Variants in COL5A1 observed in about 807,000 individuals in gnomAD.
The protein encoded by COL5A1 is collagen type V alpha 1 chain, also known as collagen alpha-1(V) chain.
In COL5A1, 16 loss-of-function variants were observed where a neutral mutation model predicts 263.7. That is an observed-to-expected ratio of 0.06 (90% CI 0.04 to 0.09). The LOEUF (loss-of-function observed/expected upper bound fraction) is 0.09. Ranked by LOEUF, COL5A1 falls within the 10% of genes least tolerant of loss-of-function variation. COL5A1 has a pLI of 1.00. For missense variants in COL5A1, 2,036 were observed against 2,540.5 expected (o/e 0.80, Z 4.27); for synonymous variants, 1,012 against 1,004.5 (o/e 1.01, Z -0.14).
chr9:134,824,388 C>T (rs1839164557), intron 61 of COL5A1, among the ~76,000 whole-genome samples: 1 of 152,230 alleles, frequency 6.6e-6, no homozygotes, highest in African/African-American at 2.4e-5. Context: ...TCCATGCTGG[C>T]AAGCACCTGG....
chr9:134,750,213 A>G lies in COL5A1; in HGVS notation c.1495-329A>G, dbSNP rs148612757. The stretch of plus-strand genomic sequence containing the variant: ...GCGTTCCTGGAGCGACAAGAGCCTG[A>G]CACTGCCTCCTCACCTTCGGGCTCC... On this transcript the variant is annotated intron_variant, in intron 11 of 65. Transcript: ENST00000371817. 1.2e-3 allele frequency among the ~76,000 whole-genome samples: 181 copies of G among 152,312 alleles called. 1 individual carries two copies. In the Middle Eastern group the frequency reaches 0.024, roughly 20 times the overall value.
intron 27 of COL5A1, among the ~76,000 whole-genome samples, chr9:134,775,939 C>T (rs1219906186): frequency 6.6e-6 from 1 of 152,204 alleles, no homozygotes; most frequent in Non-Finnish European, 1.5e-5. Context: ...AATCAACCCT[C>T]CTGACTCTGG....
At position 134,728,865 on chromosome 9, in the gene COL5A1, G is replaced by C. The variant is rs953388706; in HGVS notation, c.924+58G>C. The C allele has an allele frequency of 3.7e-6, 6 of 1,609,018 alleles. No homozygotes were observed. The Admixed American group carries it at 8.3e-5, about 22-fold the overall frequency. On this transcript the variant is annotated intron_variant, in intron 6 of 65. Coordinates refer to ENST00000371817, the MANE Select transcript of COL5A1 (RefSeq NM_000093.5). ...GGCCCCTCGAGGCCATGGTGCAGGG[G>C]AGGGCGAGGCCAGGAGAGGTTGTGT... is the stretch of plus-strand genomic sequence containing the variant.
intron 2 of COL5A1, among the ~76,000 whole-genome samples, chr9:134,698,232 T>TG (rs540221101): frequency 9.2e-5 from 14 of 152,348 alleles, no homozygotes; most frequent in Admixed American, 7.8e-4. Context: ...TCCCCAGCTT[T>TG]GGGGGCAGGT....
At position 134,666,561 on chromosome 9, in the gene COL5A1, G is replaced by A. The variant is rs1041312736; in HGVS notation, c.109+24265G>A. Among the ~76,000 whole-genome samples, 10 of 152,290 alleles carry A rather than the reference G, an allele frequency of 6.6e-5. No homozygotes were observed. In the East Asian group the frequency reaches 9.7e-4, roughly 15 times the overall value. On this transcript the variant is annotated intron_variant, in intron 1 of 65. Transcript: ENST00000371817. ...CAGGGACAGTCCCAGCCTGGCATGC[G>A]TCTTCCTCTTCTCTCTCCTGGATGA...
chr9:134,698,033 G>A (rs956357862), intron 2 of COL5A1, among the ~76,000 whole-genome samples: 6 of 150,990 alleles, frequency 4.0e-5, no homozygotes, highest in East Asian at 2.0e-4. Context: ...GCAGTGAGCC[G>A]AGATCTCACC....
chr9:134,730,676 G>A (rs1376461843), intron 7 of COL5A1, among the ~76,000 whole-genome samples: 1 of 152,254 alleles, frequency 6.6e-6, no homozygotes, highest in Non-Finnish European at 1.5e-5. Context: ...TGCTGAACAA[G>A]TTTGGAATCC....
chr9:134,802,633 T>C (rs1309094488), intron 38 of COL5A1, among the ~76,000 whole-genome samples: 5 of 152,198 alleles, frequency 3.3e-5, no homozygotes, highest in Admixed American at 3.3e-4. Flanking sequence ...GGCTTGGCCG[T>C]GCCTCCTGAA....
chr9:134,816,692 G>T (rs925459101), intron 52 of COL5A1, among the ~76,000 whole-genome samples: 2 of 152,200 alleles, frequency 1.3e-5, no homozygotes, highest in Non-Finnish European at 2.9e-5. Context: ...GACGATTCTT[G>T]TCCCCCCTTC....
intron 58 of COL5A1, 109 bp downstream of exon 58, chr9:134,820,332 A>C: frequency 1.2e-6 from 1 of 842,482 alleles, no homozygotes; most frequent in Non-Finnish European, 2.0e-6. Context: ...GGACGTCCAC[A>C]CGTCGGTTGA....
chr9:134,796,389 G>T lies in COL5A1; in HGVS notation c.2815G>T (p.Asp939Tyr), dbSNP rs757621941. 1 of 1,614,152 alleles carries T rather than the reference G, an allele frequency of 6.2e-7. No individual in the cohort carries two copies. Among genetic ancestry groups the T allele is most frequent in the Non-Finnish European group, 8.5e-7 (1 of 1,180,020 alleles). Residue 939 changes from aspartate to tyrosine, a missense_variant, in exon 35 of 66, where the codon GAC becomes TAC. Physicochemically the swap from Asp to Tyr is radical, Grantham distance 160. This residue lies in a region of COL5A1 where 1,078 missense variants were observed against 1,521.4 expected (regional missense o/e 0.71). Transcript: ENST00000371817. ...CCCTCTCAAGGGCAACTCCGGAGGT[G>T]ACGGCCCAGCTGGCCCTCCTGGTGA... ...KPGPKGNSGG[D>Y]GPAGPPGERG...
Position 134,842,860 on chromosome 9 carries a change from C to CTTATG in COL5A1, c.*560_*564dup, listed in dbSNP as rs1830145439. 6.1e-6 allele frequency: 1 copy of CTTATG among 164,304 alleles called. No homozygotes were observed. 10.2% of individuals were successfully genotyped at this position (164,304 alleles called of 1,614,324 possible). On this transcript the variant is annotated 3_prime_UTR_variant, in exon 66 of 66. Coordinates refer to ENST00000371817, the MANE Select transcript of COL5A1 (RefSeq NM_000093.5). The surrounding 1 kb of genome is among the most constrained non-coding windows in gnomAD (Gnocchi z 5.8). ...GTGCCTTCCCGATGGATTAAAGGTG[C>CTTATG]TTATGTTTTTGTGAGTTTTAAGTAA... is the stretch of plus-strand genomic sequence containing the variant.
At chr9:134,796,737 G>A in intron 35 of COL5A1, 111 bp from the exon 36 acceptor site, 1 of 1,018,666 alleles carries the variant, frequency 9.8e-7, no homozygotes, top group South Asian at 1.3e-5. Flanking sequence ...GGCCATGGGG[G>A]TGGGAAGAAA....
At position 134,789,398 on chromosome 9, in the gene COL5A1, G is replaced by T. The variant is rs986025355; in HGVS notation, c.2700+190G>T. 6.6e-6 allele frequency among the ~76,000 whole-genome samples: 1 copy of T among 152,214 alleles called. No homozygotes were observed. Among genetic ancestry groups the T allele is most frequent in the Non-Finnish European group, 1.5e-5 (1 of 68,040 alleles). On this transcript the variant is annotated intron_variant, in intron 32 of 65. Transcript: ENST00000371817. This position sits in a 1 kb window ranked among gnomAD's most constrained non-coding sequence, Gnocchi z 4.8. The stretch of plus-strand genomic sequence containing the variant: ...TGACACTCTCCAGACGCTGGGCTGG[G>T]CAGGTATGTGATAGGAAGGGGCAGA...
intron 64 of COL5A1, among the ~76,000 whole-genome samples, chr9:134,833,732 G>A (rs1839740765): frequency 6.6e-6 from 1 of 152,200 alleles, no homozygotes; most frequent in Non-Finnish European, 1.5e-5. Flanking sequence ...CCGAGGCCTC[G>A]TGCCCCGTGG....
intron 32 of COL5A1, among the ~76,000 whole-genome samples, chr9:134,793,041 G>A (rs1391577875): frequency 6.6e-6 from 1 of 152,140 alleles, no homozygotes. Flanking sequence ...CTATGGGCCA[G>A]ACGTGGAAAT....
chr9:134,831,209 C>A (rs1839607711), intron 64 of COL5A1, among the ~76,000 whole-genome samples: 4 of 152,234 alleles, frequency 2.6e-5, no homozygotes, highest in Admixed American at 2.0e-4. Flanking sequence ...CCTGTCTGCA[C>A]CTCTGAAGCC....
rs116765056 is a variant in COL5A1 at position 134,841,764 on chromosome 9, G to C, written c.5371-393G>C. 0.044 allele frequency among the ~76,000 whole-genome samples: 6,642 copies of C among 152,202 alleles called. 372 individuals carry two copies. Among genetic ancestry groups the C allele is most frequent in the African/African-American group, 0.13 (5,504 of 41,508 alleles). ...TCCAGTGTGCCCTGCTTGTTCTGTA[G>C]CTGGCCCTGGGTCCTGGGGAGGCTG... is the stretch of plus-strand genomic sequence containing the variant. On this transcript the variant is annotated intron_variant, in intron 65 of 65. Coordinates refer to ENST00000371817, the MANE Select transcript of COL5A1 (RefSeq NM_000093.5). The surrounding 1 kb of genome is among the most constrained non-coding windows in gnomAD (Gnocchi z 4.8).
At position 134,696,399 on chromosome 9, in the gene COL5A1, A is replaced by T. The variant is rs1261806277; in HGVS notation, c.278-3510A>T. ...ACCATGTTGGCCAGGCTGGTGTGGA[A>T]CTCCTGACCTCAAGTGATCCTCCTG... On this transcript the variant is annotated intron_variant, in intron 2 of 65. Coordinates refer to ENST00000371817, the MANE Select transcript of COL5A1 (RefSeq NM_000093.5). The surrounding 1 kb of genome is among the most constrained non-coding windows in gnomAD (Gnocchi z 4.3). Among the ~76,000 whole-genome samples, 2 of 151,690 alleles carry T rather than the reference A, an allele frequency of 1.3e-5. No individual in the cohort carries two copies. Among genetic ancestry groups the T allele is most frequent in the Non-Finnish European group, 2.9e-5 (2 of 67,934 alleles).
Sources: allele counts gnomAD v4.1 joint callset (sites outside exome capture counted in the v4.1 genomes callset), GRCh38; gene constraint gnomAD v4.1.1; regional missense constraint gnomAD v4.1.1; non-coding constraint Gnocchi (gnomAD v3.1); transcripts MANE v1.5; gene names NCBI Gene and HGNC (gene_info 2026-07-23, HGNC 2026-07-21).